The following PAK5 variants were observed in gnomAD, a reference collection of about 807,000 sequenced individuals.
The protein encoded by PAK5 is p21 (RAC1) activated kinase 5.
Under a neutral mutation model 65.9 loss-of-function variants are expected in PAK5, and 16 were observed. The ratio of observed to expected loss-of-function variants is 0.24; its 90% CI spans 0.16 to 0.37. The LOEUF (loss-of-function observed/expected upper bound fraction) is 0.37, where lower values mean the gene tolerates loss of function less well. PAK5 is among the 10% of genes least tolerant of loss of function. PAK5 has a pLI of 1.00. For synonymous variants in PAK5, 371 were observed against 354.9 expected, an observed-to-expected ratio of 1.05 and a Z score of -0.51; for missense variants, 785 against 903.9, an observed-to-expected ratio of 0.87 and a Z score of 1.69.
rs1480005500 is a variant in PAK5, at chr20:9,771,412, T to A, written c.-161-59977A>T. ...AGAGCAGATCTATAATTTAAAAAAA[T>A]TTTTTTTTTTTTCTGAGATAGGGTC... On this transcript the variant is annotated intron_variant, in intron 1 of 9. Transcript: ENST00000353224. 1.1e-3 allele frequency among the ~76,000 whole-genome samples: 159 copies of A among 149,948 alleles called. 1 individual carries two copies. In the East Asian group the frequency reaches 0.013, roughly 12 times the overall value.
chr20:9,799,182 T>G (rs2049139358), intron 1 of PAK5, among the ~76,000 whole-genome samples: 1 of 152,186 alleles, frequency 6.6e-6, no homozygotes. Context: ...TGTGCAATTT[T>G]AAACTGTAAT....
intron 3 of PAK5, among the ~76,000 whole-genome samples, chr20:9,627,667 C>T (rs1044970509): frequency 1.3e-5 from 2 of 152,038 alleles, no homozygotes; most frequent in Non-Finnish European, 2.9e-5. Context: ...CACTCTGTCA[C>T]TCAGGCTGGA....
intron 1 of PAK5, among the ~76,000 whole-genome samples, chr20:9,832,992 AATAT>A (rs759628010): frequency 9.2e-5 from 14 of 152,222 alleles, no homozygotes; most frequent in Non-Finnish European, 1.9e-4. Flanking sequence ...GAGAGTTTAA[AATAT>A]ATTCAAATCT....
At chr20:9,669,355 A>T (rs1416889594) in intron 2 of PAK5, among the ~76,000 whole-genome samples, 9 of 152,178 alleles carry the variant, frequency 5.9e-5, no homozygotes, top group Non-Finnish European at 1.3e-4. Flanking sequence ...CCTTCTAGAA[A>T]TATCTTAAAG....
intron 3 of PAK5, among the ~76,000 whole-genome samples, chr20:9,636,047 A>G (rs1958331790): frequency 6.6e-6 from 1 of 152,242 alleles, no homozygotes; most frequent in Non-Finnish European, 1.5e-5. Context: ...CCAACAAGGA[A>G]GACCACATCA....
intron 2 of PAK5, among the ~76,000 whole-genome samples, chr20:9,646,136 C>T (rs910600346): frequency 1.3e-5 from 2 of 152,162 alleles, no homozygotes; most frequent in East Asian, 3.9e-4. Flanking sequence ...GGTTGGAGCT[C>T]CATGTTCTCT....
chr20:9,602,070 A>G (rs1253990324), intron 3 of PAK5, among the ~76,000 whole-genome samples: 1 of 152,066 alleles, frequency 6.6e-6, no homozygotes, highest in East Asian at 1.9e-4. Flanking sequence ...AGGCGGGAGG[A>G]TCACGAGGTC....
chr20:9,825,675 G>GT (rs979526984), intron 1 of PAK5, among the ~76,000 whole-genome samples: 1 of 152,064 alleles, frequency 6.6e-6, no homozygotes, highest in African/African-American at 2.4e-5. Context: ...TTATGCAAAT[G>GT]TTTTTACCAA....
chr20:9,641,715 AG>A (rs1345275782), intron 3 of PAK5, among the ~76,000 whole-genome samples: 2 of 152,076 alleles, frequency 1.3e-5, no homozygotes, highest in Admixed American at 1.3e-4. Context: ...GGCGGGCTGC[AG>A]GTCCCAAGCC....
chr20:9,776,598 T>C lies in PAK5; in HGVS notation c.-162+62164A>G, dbSNP rs1425879765. 2.0e-5 allele frequency among the ~76,000 whole-genome samples: 3 copies of C among 152,148 alleles called. No individual in the cohort carries two copies. The East Asian group carries it at 5.8e-4, about 29-fold the overall frequency. Reference sequence around the variant, plus strand: ...TAGGAATGGTCTAACACATGTGACTTTCTCTTGGATCACTTGTGATGGGGA... The same window carrying C: ...TAGGAATGGTCTAACACATGTGACTCTCTCTTGGATCACTTGTGATGGGGA... On this transcript the variant is annotated intron_variant, in intron 1 of 9. Transcript: ENST00000353224.
intron 2 of PAK5, among the ~76,000 whole-genome samples, chr20:9,664,322 G>A (rs747479129): frequency 6.6e-6 from 1 of 152,056 alleles, no homozygotes; most frequent in Non-Finnish European, 1.5e-5. Context: ...TCTTTATAAA[G>A]AACATGAGAA....
chr20:9,790,265 A>T (rs2049035900), intron 1 of PAK5, among the ~76,000 whole-genome samples: 1 of 152,152 alleles, frequency 6.6e-6, no homozygotes, highest in Admixed American at 6.6e-5. Context: ...CTATGCCATA[A>T]TTAAGGTATA....
At chr20:9,544,917 T>A (rs1433993282) in intron 7 of PAK5, among the ~76,000 whole-genome samples, 2 of 152,194 alleles carry the variant, frequency 1.3e-5, no homozygotes, top group African/African-American at 4.8e-5. Flanking sequence ...TAGATTCTTT[T>A]GAGTTGAGCA....
chr20:9,702,856 TC>T (rs773196293), intron 2 of PAK5, among the ~76,000 whole-genome samples: 9 of 152,274 alleles, frequency 5.9e-5, no homozygotes, highest in East Asian at 5.8e-4. Flanking sequence ...GTTCTGGGCC[TC>T]ATGATCCCAG....
intron 1 of PAK5, among the ~76,000 whole-genome samples, chr20:9,773,386 C>T (rs575654622): frequency 2.3e-4 from 35 of 152,222 alleles, no homozygotes; most frequent in African/African-American, 8.2e-4. Flanking sequence ...TATCCCTCCC[C>T]CTTCCCCCGA....
intron 3 of PAK5, among the ~76,000 whole-genome samples, chr20:9,635,232 T>C (rs1229050675): frequency 6.6e-6 from 1 of 152,236 alleles, no homozygotes; most frequent in Admixed American, 6.5e-5. Context: ...ACCATTTGAC[T>C]AACACACCTC....
intron 6 of PAK5, among the ~76,000 whole-genome samples, chr20:9,559,888 T>C (rs2045566716): frequency 6.6e-6 from 1 of 152,216 alleles, no homozygotes; most frequent in African/African-American, 2.4e-5. Context: ...TGTGGTATGT[T>C]GGTCATTATC....
rs117416641 is a variant in PAK5, at chr20:9,713,431, C to T, written c.-161-1996G>A. On this transcript the variant is annotated intron_variant, in intron 1 of 9. Transcript: ENST00000353224. ...CTGTTGGTGGGAATGTAAAGTAATA[C>T]AGCAATTACGGAAAACAGCATGGAG... 2.0e-3 allele frequency among the ~76,000 whole-genome samples: 308 copies of T among 152,156 alleles called. 8 individuals are homozygous for T. The East Asian group carries it at 0.04, about 20-fold the overall frequency.
At chr20:9,762,448 G>T (rs2048710348) in intron 1 of PAK5, among the ~76,000 whole-genome samples, 1 of 151,968 alleles carries the variant, frequency 6.6e-6, no homozygotes, top group South Asian at 2.1e-4. Context: ...TAATTTAAAT[G>T]GGCACAGGAA....
Sources: gnomAD v4.1 joint callset for allele counts (sites outside exome capture counted in the v4.1 genomes callset) on GRCh38, gnomAD v4.1.1 for gene constraint, MANE v1.5 for transcripts, NCBI Gene and HGNC (gene_info 2026-07-23, HGNC 2026-07-21) for gene names.